MTCL1: variants seen among roughly 807,000 people sequenced by gnomAD.
The protein encoded by MTCL1 is microtubule cross-linking factor 1.
A neutral mutation model predicts 141.4 loss-of-function variants in MTCL1; 79 were observed. The observed-to-expected ratio is 0.56, with a 90% CI of 0.47 to 0.67. The LOEUF is 0.67. MTCL1 is among the 30% of genes least tolerant of loss of function. The pLI is 0.00. For synonymous variants in MTCL1, 914 were observed against 875.8 expected, an observed-to-expected ratio of 1.04 and a Z score of -0.77; for missense variants, 2,177 against 2,113.9, an observed-to-expected ratio of 1.03 and a Z score of -0.59.
At chr18:8,792,897 C>T (rs2075783595) in intron 7 of MTCL1, 101 bp from the exon 7 acceptor site, 9 of 1,498,460 alleles carry the variant, frequency 6.0e-6, no homozygotes, top group Non-Finnish European at 7.3e-6. Context: ...TGCTGTGTCG[C>T]TCCGTGTGCG....
intron 14 of MTCL1, among the ~76,000 whole-genome samples, chr18:8,821,760 A>G (rs1408993831): frequency 1.3e-5 from 2 of 152,220 alleles, no homozygotes; most frequent in African/African-American, 4.8e-5. Context: ...ATGTATACAA[A>G]GGAATGCTTG....
chr18:8,825,086 G>A (rs1372606133), exon 15 of MTCL1: 1 of 1,609,920 alleles, frequency 6.2e-7, no homozygotes. Context: ...GGTTGCGCGT[G>A]TTACACAGCC....
chr18:8,823,195 C>T (rs1234318321), intron 14 of MTCL1, among the ~76,000 whole-genome samples: 3 of 151,988 alleles, frequency 2.0e-5, no homozygotes, highest in East Asian at 1.9e-4. Context: ...AGATGTATCC[C>T]GGGTTTTCTC....
chr18:8,786,340 C>A, intron 7 of MTCL1: 1 of 688,218 alleles, frequency 1.5e-6, no homozygotes, highest in East Asian at 2.8e-5. Flanking sequence ...CTGTCCACCT[C>A]CTGTTTCCGC....
Position 8,711,015 on chromosome 18 carries a change from A to G in MTCL1, c.1053+4302A>G, listed in dbSNP as rs1356876453. Among the ~76,000 whole-genome samples the G allele has an allele frequency of 2.6e-5, 4 of 151,352 alleles. No homozygotes were observed. In the South Asian group the frequency reaches 6.3e-4, roughly 24 times the overall value. On this transcript the variant is annotated intron_variant, in intron 1 of 13. Coordinates refer to the MTCL1 transcript ENST00000306329. ...TAACTCGTCATCTAGCATTAGGTAT[A>G]TCTCCCAATGCTATCCCTCCCCACT...
chr18:8,721,634 C>A (rs2096173508), intron 4 of MTCL1, among the ~76,000 whole-genome samples: 1 of 152,186 alleles, frequency 6.6e-6, no homozygotes, highest in South Asian at 2.1e-4. Context: ...ATTCACTCAG[C>A]CCCTCCCCTC....
chr18:8,796,559 A>G, intron 9 of MTCL1, 97 bp downstream of exon 8: 3 of 1,181,968 alleles, frequency 2.5e-6, no homozygotes, highest in South Asian at 3.0e-5. Context: ...GTCATGTTCT[A>G]TTATTTTATT....
chr18:8,720,877 C>T (rs1482768585), intron 4 of MTCL1, among the ~76,000 whole-genome samples: 1 of 150,716 alleles, frequency 6.6e-6, no homozygotes, highest in East Asian at 1.9e-4. Flanking sequence ...CCAAGTGGAG[C>T]CTATTATTGC....
At chr18:8,728,840 T>C (rs2096234178) in intron 4 of MTCL1, among the ~76,000 whole-genome samples, 1 of 144,230 alleles carries the variant, frequency 6.9e-6, no homozygotes, top group African/African-American at 2.6e-5. Context: ...GTTCAAGCGA[T>C]TCTCCTGCCG....
chr18:8,781,364 T>C (rs1402670884), intron 5 of MTCL1, among the ~76,000 whole-genome samples: 2 of 152,128 alleles, frequency 1.3e-5, no homozygotes, highest in African/African-American at 4.8e-5. Flanking sequence ...TCAGTAGTTG[T>C]GAGTAGGGCA....
chr18:8,804,119 T>C (rs948171350), intron 10 of MTCL1, among the ~76,000 whole-genome samples: 4 of 152,218 alleles, frequency 2.6e-5, no homozygotes, highest in Admixed American at 6.5e-5. Flanking sequence ...ATTTAAAATC[T>C]AAAGATGAAA....
chr18:8,793,866 AT>A (rs2143815582), intron 8 of MTCL1, among the ~76,000 whole-genome samples: 1 of 152,372 alleles, frequency 6.6e-6, no homozygotes, highest in African/African-American at 2.4e-5. Context: ...TCCTATCCAA[AT>A]AAGGTCCTGG....
rs145379926 is a variant in MTCL1 at position 8,738,802 on chromosome 18, T to C, written c.357+18306T>C. Among the ~76,000 whole-genome samples the C allele has an allele frequency of 1.5e-3, 234 of 152,334 alleles. 2 individuals carry two copies. Among genetic ancestry groups the C allele is most frequent in the African/African-American group, 5.5e-3 (228 of 41,574 alleles). ...TGCAGCATCTATGACATCTGAAAAC[T>C]AGGCTCAACAGAGTAAGAAACCACA... On this transcript the variant is annotated intron_variant, in intron 4 of 16. Coordinates refer to ENST00000359865, the Ensembl canonical transcript of MTCL1.
In MTCL1 at chr18:8,796,477, G is replaced by T. The variant is rs772059806; in HGVS notation, c.2241+15G>T. ...AGTTCACTGAGGTAACTCCACTGTCGAATTCCTTTTATTTGCATCTGTTTT... is the reference window on the plus strand; with the variant it reads ...AGTTCACTGAGGTAACTCCACTGTCTAATTCCTTTTATTTGCATCTGTTTT... On this transcript the variant is annotated intron_variant, in intron 9 of 16. Coordinates refer to ENST00000359865, the Ensembl canonical transcript of MTCL1. 6.6e-5 allele frequency: 107 copies of T among 1,612,766 alleles called. No homozygotes were observed. The highest frequency in any genetic ancestry group is 8.7e-5 in the Non-Finnish European group (103 of 1,179,080).
At chr18:8,798,213 C>G (rs745606728) in exon 10 of MTCL1, 7 of 1,599,394 alleles carry the variant, frequency 4.4e-6, no homozygotes, top group Non-Finnish European at 6.0e-6. Flanking sequence ...TGGGGGAGCA[C>G]TCCCCACACT....
chr18:8,739,357 G>A (rs1045159453), intron 4 of MTCL1, among the ~76,000 whole-genome samples: 3 of 152,330 alleles, frequency 2.0e-5, no homozygotes, highest in Non-Finnish European at 2.9e-5. Flanking sequence ...CTCCAAGCAC[G>A]TTTGGGGTGG....
chr18:8,785,544 G>A (rs551209596), intron 6 of MTCL1: 10 of 220,272 alleles, frequency 4.5e-5, no homozygotes, highest in South Asian at 1.4e-4. Flanking sequence ...TTGGCTGCTC[G>A]ACCCACAAGT....
rs375448783 is a variant in MTCL1, at chr18:8,739,519, T to G, written c.357+19023T>G. On this transcript the variant is annotated intron_variant, in intron 4 of 16. Transcript: ENST00000359865. Reference sequence around the variant, plus strand: ...CTTCTTTTCATGTTAATAATAAGACTGCATCTTTCAGAGATCAACAACAAC... The same window carrying G: ...CTTCTTTTCATGTTAATAATAAGACGGCATCTTTCAGAGATCAACAACAAC... Among the ~76,000 whole-genome samples the G allele has an allele frequency of 1.1e-4, 17 of 152,296 alleles. No individual in the cohort carries two copies. In the East Asian group the frequency reaches 1.9e-3, roughly 17 times the overall value.
chr18:8,809,563 T>G, intron 11 of MTCL1: 2 of 1,535,742 alleles, frequency 1.3e-6, no homozygotes, highest in Non-Finnish European at 1.7e-6. Flanking sequence ...AGATTGGAGG[T>G]GAGAGGGGTG....
Sources: gnomAD v4.1 joint callset for allele counts (sites outside exome capture counted in the v4.1 genomes callset) on GRCh38, gnomAD v4.1.1 for gene constraint, MANE v1.5 for transcripts, NCBI Gene and HGNC (gene_info 2026-07-23, HGNC 2026-07-21) for gene names.